The following UGT2B4 variants were observed in gnomAD, a reference collection of about 807,000 sequenced individuals.
The protein encoded by UGT2B4 is UDP-glucuronosyltransferase 2B4.
Under a neutral mutation model 49.8 loss-of-function variants are expected in UGT2B4, and 49 were observed. The observed-to-expected ratio is 0.98, with a 90% CI of 0.78 to 1.25. The LOEUF is 1.25. Among genes scored for constraint, UGT2B4 ranks in the 50% most tolerant of loss-of-function variants. The probability of loss-of-function intolerance (pLI) is 0.00; values close to 1 mark genes in which losing one functional copy is unlikely to be tolerated. For synonymous variants in UGT2B4, 246 were observed against 217.7 expected, an observed-to-expected ratio of 1.13 and a Z score of -1.14; for missense variants, 729 against 627.7, an observed-to-expected ratio of 1.16 and a Z score of -1.73.
Position 69,495,470 on chromosome 4 carries a change from A to C in UGT2B4, c.392T>G (p.Val131Gly). 1 of 1,612,910 alleles carries C rather than the reference A, an allele frequency of 6.2e-7. No homozygotes were observed. The highest frequency in any genetic ancestry group is 8.5e-7 in the Non-Finnish European group (1 of 1,179,378). The change falls in exon 1 of 6, where the codon GTT becomes GGT. Residue 131 changes from valine (V) to glycine (G), a missense_variant. Physicochemically the swap from Val to Gly is moderately radical, Grantham distance 109. Transcript: ENST00000305107. ...DILRKFCKDI[V>G]SNKKLMKKLQ... ...TTTCTTCATAAGTTTCTTATTTGAA[A>C]CTATATCCTTACAGAACTTTCTAAG...
intron 1 of UGT2B4, among the ~76,000 whole-genome samples, chr4:69,523,221 T>A (rs1728885121): frequency 6.6e-6 from 1 of 151,926 alleles, no homozygotes; most frequent in Non-Finnish European, 1.5e-5. Context: ...TCTTCTAAAA[T>A]GGTAAATACT....
chr4:69,501,531 G>A (rs575865826), intron 1 of UGT2B4, among the ~76,000 whole-genome samples: 1 of 152,250 alleles, frequency 6.6e-6, no homozygotes, highest in East Asian at 1.9e-4. Flanking sequence ...GGGTGAAAGT[G>A]ATAGCCCAGC....
intron 1 of UGT2B4, among the ~76,000 whole-genome samples, chr4:69,510,850 G>T (rs1204034924): frequency 6.6e-6 from 1 of 152,002 alleles, no homozygotes; most frequent in Non-Finnish European, 1.5e-5. Flanking sequence ...GTACTATGTG[G>T]AATAGAAGTA....
chr4:69,506,976 C>T (rs1244920454), intron 1 of UGT2B4, among the ~76,000 whole-genome samples: 1 of 152,120 alleles, frequency 6.6e-6, no homozygotes, highest in Non-Finnish European at 1.5e-5. Flanking sequence ...ACAAAAACTA[C>T]ATGATTATCT....
chr4:69,495,877 T>C lies in UGT2B4; in HGVS notation c.-16A>G, dbSNP rs749295360. 2.6e-6 allele frequency: 4 copies of C among 1,559,724 alleles called. No individual in the cohort carries two copies. The highest frequency in any genetic ancestry group is 3.5e-6 in the Non-Finnish European group (4 of 1,156,448). On this transcript the variant is annotated 5_prime_UTR_variant, in exon 1 of 6. Coordinates refer to ENST00000305107, the MANE Select transcript of UGT2B4 (RefSeq NM_021139.3). ...TCATAGACATCCTGATGCAATGCAA[T>C]GCTTGTTTTCCAGTTGCTGCTCCTT...
intron 1 of UGT2B4, among the ~76,000 whole-genome samples, chr4:69,523,590 G>C (rs1728893383): frequency 6.6e-6 from 1 of 152,046 alleles, no homozygotes; most frequent in African/African-American, 2.4e-5. Flanking sequence ...TTATACAGCA[G>C]ACACAAAGCA....
upstream of UGT2B4, among the ~76,000 whole-genome samples, chr4:69,500,203 C>T (rs113468596): frequency 0.011 from 1,723 of 152,082 alleles, 25 homozygotes; most frequent in African/African-American, 0.039. Context: ...AACGAGAACA[C>T]GTGGACACAT....
At position 69,495,157 on chromosome 4, in the gene UGT2B4, G is replaced by A; in HGVS notation, c.705C>T (p.Phe235=). 6.4e-7 allele frequency: 1 copy of A among 1,564,730 alleles called. No homozygotes were observed. Among genetic ancestry groups the A allele is most frequent in the Non-Finnish European group, 8.6e-7 (1 of 1,160,316 alleles). The change falls in exon 1 of 6, where the codon TTC becomes TTT. Residue 235 remains phenylalanine, a synonymous_variant. Coordinates refer to ENST00000305107, the MANE Select transcript of UGT2B4 (RefSeq NM_021139.3). ...GTTACTTACCTAGAACTTCACTGTA[G>A]AACTGATCCCACTTCTTCATGTCAA... is the stretch of plus-strand genomic sequence containing the variant. ...QIFDMKKWDQ[F]YSEVLGRPTT... is the part of the protein sequence containing the mutation.
chr4:69,491,459 A>G (rs1383453989), intron 2 of UGT2B4, among the ~76,000 whole-genome samples: 1 of 152,110 alleles, frequency 6.6e-6, no homozygotes, highest in Non-Finnish European at 1.5e-5. Context: ...CAATGGCTAT[A>G]TGCATTTTTA....
chr4:69,486,026 G>T (rs985391228), intron 4 of UGT2B4, among the ~76,000 whole-genome samples: 3 of 152,150 alleles, frequency 2.0e-5, no homozygotes, highest in African/African-American at 7.2e-5. Context: ...CTCCCAAAGT[G>T]CTAGGATTGC....
intron 2 of UGT2B4, among the ~76,000 whole-genome samples, chr4:69,493,356 A>G (rs1284145472): frequency 5.9e-5 from 9 of 152,080 alleles, no homozygotes; most frequent in Admixed American, 2.0e-4. Flanking sequence ...GTGTGTTGGG[A>G]TAGAAACTGT....
Position 69,495,726 on chromosome 4 carries a change from G to A in UGT2B4, c.136C>T (p.Leu46Phe), listed in dbSNP as rs762430156. Residue 46 changes from leucine (L) to phenylalanine (F), a missense_variant, in exon 1 of 6, where the codon CTT (leucine) becomes TTT (phenylalanine). By Grantham distance (22) the Leu-to-Phe change is conservative. Transcript: ENST00000305107. ...GTCACCTCATGACCTCTCTGGACAAGTTCATCCAGGATTGTCTTTATATTC... is the reference window on the plus strand; with the variant it reads ...GTCACCTCATGACCTCTCTGGACAAATTCATCCAGGATTGTCTTTATATTC... ...WMNIKTILDE[L>F]VQRGHEVTVL... 1.2e-6 allele frequency: 2 copies of A among 1,614,092 alleles called. No individual in the cohort carries two copies. The highest frequency in any genetic ancestry group is 2.2e-5 in the East Asian group (1 of 44,856).
rs552458657 is a variant in UGT2B4 at position 69,493,013 on chromosome 4, TTCA to T, written c.870+677_870+679del. Among the ~76,000 whole-genome samples, 439 of 152,262 alleles carry T rather than the reference TTCA, an allele frequency of 2.9e-3. 2 individuals carry two copies. The highest frequency in any genetic ancestry group is 9.8e-3 in the African/African-American group (407 of 41,580). On this transcript the variant is annotated intron_variant, in intron 2 of 5. Coordinates refer to ENST00000305107, the MANE Select transcript of UGT2B4 (RefSeq NM_021139.3). ...GTCCCTAAATGTGCTTAATAAATAT[TTCA>T]ACTCCTGAGGAGTATCTGGCTCTTA...
intron 1 of UGT2B4, among the ~76,000 whole-genome samples, chr4:69,522,388 A>G (rs975367725): frequency 6.6e-6 from 1 of 152,214 alleles, no homozygotes. Context: ...CTTCAGAGAT[A>G]TTAGGGTCTT....
upstream of UGT2B4, among the ~76,000 whole-genome samples, chr4:69,500,653 G>GAA (rs1384988772): frequency 1.6e-5 from 2 of 122,592 alleles, no homozygotes; most frequent in Non-Finnish European, 4.1e-5. Context: ...AAGAAAGAAA[G>GAA]AAAGAAAGAA....
intron 2 of UGT2B4, among the ~76,000 whole-genome samples, chr4:69,493,224 C>A (rs186318319): frequency 1.3e-5 from 2 of 151,982 alleles, no homozygotes; most frequent in Non-Finnish European, 2.9e-5. Flanking sequence ...ATCAGTGACT[C>A]CAGGATACTC....
intron 1 of UGT2B4, among the ~76,000 whole-genome samples, chr4:69,494,249 A>G (rs755678070): frequency 1.3e-5 from 2 of 152,162 alleles, no homozygotes; most frequent in Admixed American, 6.6e-5. Flanking sequence ...CAAATAGTCT[A>G]ATTTCCCATT....
At chr4:69,494,893 G>A (rs1180758458) in intron 1 of UGT2B4, among the ~76,000 whole-genome samples, 1 of 152,022 alleles carries the variant, frequency 6.6e-6, no homozygotes, top group Non-Finnish European at 1.5e-5. Flanking sequence ...GAAATCTTAG[G>A]TGCACTAATA....
chr4:69,525,373 A>G (rs1218436759), intron 1 of UGT2B4, among the ~76,000 whole-genome samples: 1 of 152,188 alleles, frequency 6.6e-6, no homozygotes, highest in African/African-American at 2.4e-5. Flanking sequence ...GAAATGCACA[A>G]AAGCAAAGGC....
Sources: gnomAD v4.1 joint callset for allele counts (sites outside exome capture counted in the v4.1 genomes callset) on GRCh38, gnomAD v4.1.1 for gene constraint, MANE v1.5 for transcripts, NCBI Gene and HGNC (gene_info 2026-07-23, HGNC 2026-07-21) for gene names.